The following NFATC1 variants were observed in gnomAD, a reference collection of about 807,000 sequenced individuals.
NFATC1 encodes the protein nuclear factor of activated T-cells, cytoplasmic 1.
A neutral mutation model predicts 76.0 loss-of-function variants in NFATC1; 22 were observed. The ratio of observed to expected loss-of-function variants is 0.29; its 90% confidence interval spans 0.21 to 0.41. NFATC1 has a LOEUF of 0.41. NFATC1 is among the 10% of genes least tolerant of loss of function. The probability of loss-of-function intolerance (pLI) is 1.00; values close to 1 mark genes in which losing one functional copy is unlikely to be tolerated. For missense variants in NFATC1, 1,357 were observed against 1,337.7 expected (o/e 1.01, Z -0.23); for synonymous variants, 704 against 613.1 (o/e 1.15, Z -2.19).
At chr18:79,446,591 T>G (rs28520806) in intron 3 of NFATC1, among the ~76,000 whole-genome samples, 2 of 152,204 alleles carry the variant, frequency 1.3e-5, no homozygotes, top group African/African-American at 4.8e-5. Context: ...GTTCATTAAC[T>G]TGGCAAACGG....
chr18:79,425,047 G>GTCTCTGTTTCTC lies in NFATC1; in HGVS notation c.1227-8512_1227-8501dup, dbSNP rs148023395. ...TCCATCTCTCTCCATCTCTCTCTCCGTCTCTGTTTCTCTCTCTGTTTCTCT... is the reference window on the plus strand; with the variant it reads ...TCCATCTCTCTCCATCTCTCTCTCCGTCTCTGTTTCTCTCTCTGTTTCTCTCTCTGTTTCTCT... On this transcript the variant is annotated intron_variant, in intron 2 of 9. Transcript: ENST00000427363. Among the ~76,000 whole-genome samples the GTCTCTGTTTCTC allele has an allele frequency of 6.6e-5, 9 of 137,294 alleles. 1 individual carries two copies. The highest frequency in any genetic ancestry group is 2.4e-4 in the African/African-American group (9 of 37,094). The allele number at this position is 137,294 out of a possible 152,430, so 90.1% of individuals were successfully genotyped here.
intron 8 of NFATC1, among the ~76,000 whole-genome samples, chr18:79,484,268 T>G (rs1470618574): frequency 6.6e-6 from 1 of 152,224 alleles, no homozygotes; most frequent in African/African-American, 2.4e-5. Flanking sequence ...TGGGAATGCC[T>G]GGGCTGCAGA....
intron 9 of NFATC1, among the ~76,000 whole-genome samples, chr18:79,511,159 C>T (rs961343002): frequency 2.0e-5 from 3 of 152,222 alleles, no homozygotes; most frequent in Admixed American, 6.5e-5. Context: ...GCACCCGGCT[C>T]GCTGTGATGA....
chr18:79,474,250 GCTCA>G (rs1419662419), intron 8 of NFATC1, among the ~76,000 whole-genome samples: 4 of 102,222 alleles, frequency 3.9e-5, no homozygotes, highest in Non-Finnish European at 5.6e-5. Flanking sequence ...GTGTTCTCGC[GCTCA>G]CTGTCGACGT....
At position 79,410,204 on chromosome 18, in the gene NFATC1, G is replaced by C; in HGVS notation, c.128-199G>C. Reference sequence around the variant, plus strand: ...GCAGTGAGGGGCTCACGGGAGCCTTGTTGGCCAGGTGGGACTGGGGCTGTC... The same window carrying C: ...GCAGTGAGGGGCTCACGGGAGCCTTCTTGGCCAGGTGGGACTGGGGCTGTC... On this transcript the variant is annotated intron_variant, in intron 1 of 9. Coordinates refer to ENST00000427363, the MANE Select transcript of NFATC1 (RefSeq NM_001278669.2). The surrounding 1 kb of genome is among the most constrained non-coding windows in gnomAD (Gnocchi z 6.7). 1 of 849,166 alleles carries C rather than the reference G, an allele frequency of 1.2e-6. No homozygotes were observed. The highest frequency in any genetic ancestry group is 1.9e-6 in the Non-Finnish European group (1 of 515,988). 52.6% of individuals were successfully genotyped at this position (849,166 alleles called of 1,614,324 possible).
At chr18:79,468,605 T>G (rs2088638003) in intron 8 of NFATC1, 1 of 152,214 alleles carries the variant, frequency 6.6e-6, no homozygotes. Flanking sequence ...TTTGGAAGGT[T>G]TCCATTTTCT....
chr18:79,413,705 G>A lies in NFATC1; in HGVS notation c.1226+2204G>A, dbSNP rs143567806. On this transcript the variant is annotated intron_variant, in intron 2 of 9. Transcript: ENST00000427363. ...AAAATGGCAGGCAGCCTTTGAAAGCGCAAGCTCGTCCTGGTTCCTTCTTCG... is the reference window on the plus strand; with the variant it reads ...AAAATGGCAGGCAGCCTTTGAAAGCACAAGCTCGTCCTGGTTCCTTCTTCG... 2.7e-3 allele frequency among the ~76,000 whole-genome samples: 405 copies of A among 152,362 alleles called. 3 individuals are homozygous for A. The highest frequency in any genetic ancestry group is 6.0e-3 in the African/African-American group (251 of 41,584).
At chr18:79,485,809 C>T (rs1447838942) in intron 8 of NFATC1, among the ~76,000 whole-genome samples, 2 of 152,240 alleles carry the variant, frequency 1.3e-5, no homozygotes, top group African/African-American at 4.8e-5. Flanking sequence ...TTCACCTTTG[C>T]AGTTGGATTT....
chr18:79,426,500 G>A (rs867456710), intron 2 of NFATC1, among the ~76,000 whole-genome samples: 13 of 152,366 alleles, frequency 8.5e-5, no homozygotes, highest in South Asian at 2.1e-4. Flanking sequence ...TGTGGGACCC[G>A]TGTCGGGACT....
chr18:79,408,275 T>C (rs2085510312), intron 1 of NFATC1, among the ~76,000 whole-genome samples: 1 of 152,220 alleles, frequency 6.6e-6, no homozygotes, highest in Non-Finnish European at 1.5e-5. Flanking sequence ...GCCAGTGCAG[T>C]TGCACCAGGA....
At chr18:79,493,625 A>C (rs542236932) in intron 9 of NFATC1, 1 of 152,318 alleles carries the variant, frequency 6.6e-6, no homozygotes, top group East Asian at 1.9e-4. Context: ...CCTGAGCCGG[A>C]GCTGCTCCGG....
intron 8 of NFATC1, among the ~76,000 whole-genome samples, chr18:79,471,825 A>C (rs886317123): frequency 1.3e-5 from 2 of 152,196 alleles, no homozygotes; most frequent in Non-Finnish European, 2.9e-5. Context: ...GGGGTCCTTC[A>C]CCAGGGGTGG....
chr18:79,404,835 C>T (rs2085379830), intron 1 of NFATC1, among the ~76,000 whole-genome samples: 1 of 152,192 alleles, frequency 6.6e-6, no homozygotes, highest in Admixed American at 6.5e-5. Flanking sequence ...CCCTGGGGCT[C>T]AGCACGGCGG....
At chr18:79,406,827 C>T (rs2085457514) in intron 1 of NFATC1, among the ~76,000 whole-genome samples, 1 of 152,206 alleles carries the variant, frequency 6.6e-6, no homozygotes, top group African/African-American at 2.4e-5. Flanking sequence ...TGTGCTTCCC[C>T]CGAGACCCCC....
intron 8 of NFATC1, among the ~76,000 whole-genome samples, chr18:79,485,725 C>T (rs748476606): frequency 3.9e-5 from 6 of 152,348 alleles, no homozygotes; most frequent in Admixed American, 2.0e-4. Flanking sequence ...TCAGGAGCAC[C>T]GTGGAGGCAG....
chr18:79,410,927 G>T lies in NFATC1; in HGVS notation c.652G>T (p.Glu218Ter). Residue 218 changes from glutamate to a stop codon, truncating the protein, a stop_gained, in exon 2 of 10, where the codon GAG (glutamate) becomes TAG (stop). Transcript: ENST00000427363. LOFTEE classifies it high-confidence loss of function. This position sits in a 1 kb window ranked among gnomAD's most constrained non-coding sequence, Gnocchi z 6.7. ...CGTGTCTCCCAAGACCACGGACCCC[G>T]AGGAGGGCTTTCCCCGCGGGCTGGG... ...PCVSPKTTDP[E>*]EGFPRGLGAC... 1 of 1,605,274 alleles carries T rather than the reference G, an allele frequency of 6.2e-7. No homozygotes were observed.
In NFATC1 at chr18:79,468,052, C is replaced by T. The variant is rs1010314849; in HGVS notation, c.2092+470C>T. 9.2e-5 allele frequency: 87 copies of T among 944,080 alleles called. No homozygotes were observed. In the African/African-American group the frequency reaches 1.4e-3, roughly 15 times the overall value. 58.5% of individuals were successfully genotyped at this position (944,080 alleles called of 1,614,324 possible). A position where few individuals can be genotyped will look rare whatever the true frequency, so the allele number is the denominator to read the frequency against. On this transcript the variant is annotated intron_variant, in intron 8 of 9. Transcript: ENST00000427363. The stretch of plus-strand genomic sequence containing the variant: ...GTGAATGAGCTTTGTGCTGGGCGGA[C>T]GTCCCCGAGACACTTCTCCAGGGGT...
Position 79,411,147 on chromosome 18 carries a change from C to G in NFATC1, c.872C>G (p.Pro291Arg). 3 of 1,612,426 alleles carry G rather than the reference C, an allele frequency of 1.9e-6. No individual in the cohort carries two copies. The highest frequency in any genetic ancestry group is 2.5e-6 in the Non-Finnish European group (3 of 1,179,822). The change falls in exon 2 of 10, where the codon CCG becomes CGG. Residue 291 changes from proline to arginine, a missense_variant. Physicochemically the swap from Pro to Arg is moderately radical, Grantham distance 103. Around this residue, in one of 3 missense-constraint regions of NFATC1, gnomAD observed 691 missense variants for 613.1 expected, o/e 1.13. Transcript: ENST00000427363. Reference sequence around the variant, plus strand: ...CCCACGCCGTCCCCGCACGGCTCCCCGCGGGTCAGCGTGACCGACGACTCG... The same window carrying G: ...CCCACGCCGTCCCCGCACGGCTCCCGGCGGGTCAGCGTGACCGACGACTCG... ...HSPTPSPHGS[P>R]RVSVTDDSWL...
chr18:79,517,346 T>C (rs899376172), intron 9 of NFATC1, among the ~76,000 whole-genome samples: 7 of 152,250 alleles, frequency 4.6e-5, no homozygotes, highest in African/African-American at 1.7e-4. Flanking sequence ...TTGCTCTTTT[T>C]AAAAAGTTAT....
Sources: gnomAD v4.1 joint callset for allele counts (sites outside exome capture counted in the v4.1 genomes callset) on GRCh38, gnomAD v4.1.1 for gene constraint, gnomAD v4.1.1 regional missense constraint, Gnocchi (gnomAD v3.1) non-coding constraint, MANE v1.5 for transcripts, NCBI Gene and HGNC (gene_info 2026-07-23, HGNC 2026-07-21) for gene names.